The following SACS variants were observed in gnomAD, a reference collection of about 807,000 sequenced individuals.
SACS encodes the protein sacsin molecular chaperone.
SACS carries 197 observed loss-of-function variants against 348.0 expected under a neutral mutation model. The ratio of observed to expected loss-of-function variants is 0.57; its 90% CI spans 0.50 to 0.64. SACS has a LOEUF of 0.64. SACS is among the 30% of genes least tolerant of loss of function. The probability of loss-of-function intolerance (pLI) is 0.00; values close to 1 mark genes in which losing one functional copy is unlikely to be tolerated. For synonymous variants in SACS, 1,985 were observed against 1,910.6 expected (o/e 1.04, Z -1.02); for missense variants, 4,999 against 5,360.8 (o/e 0.93, Z 2.11).
chr13:23,341,445 C>G lies in SACS; in HGVS notation c.2431G>C (p.Gly811Arg). ...CTAATGAGTTCCACACATGTCTGAC[C>G]TTCCTCTAGTATAGTTCTGGGGATA... ...PLIPRTILEE[G>R]QTCVELIRLR... Residue 811 changes from glycine to arginine, a missense_variant, in exon 10 of 10, where the codon GGT becomes CGT. Physicochemically the swap from Gly to Arg is moderately radical, Grantham distance 125. Transcript: ENST00000382292. 6.2e-7 allele frequency: 1 copy of G among 1,613,994 alleles called. No individual in the cohort carries two copies. The highest frequency in any genetic ancestry group is 8.5e-7 in the Non-Finnish European group (1 of 1,179,980).
intron 1 of SACS, among the ~76,000 whole-genome samples, chr13:23,418,596 C>T (rs890874385): frequency 6.6e-6 from 1 of 152,118 alleles, no homozygotes; most frequent in Non-Finnish European, 1.5e-5. Context: ...ACTTCCGCCT[C>T]CTGGGTTCTA....
chr13:23,432,075 T>C (rs565628401), intron 1 of SACS, among the ~76,000 whole-genome samples: 22 of 152,196 alleles, frequency 1.4e-4, no homozygotes, highest in Non-Finnish European at 1.9e-4. Context: ...GAACTGAGGC[T>C]CACAGAAGTT....
At chr13:23,423,140 A>G (rs1874023861) in intron 1 of SACS, among the ~76,000 whole-genome samples, 1 of 152,188 alleles carries the variant, frequency 6.6e-6, no homozygotes, top group African/African-American at 2.4e-5. Flanking sequence ...GTTTTATATC[A>G]ATGAATGGAA....
chr13:23,425,456 T>C (rs1440287320), intron 1 of SACS, among the ~76,000 whole-genome samples: 1 of 151,948 alleles, frequency 6.6e-6, no homozygotes, highest in Non-Finnish European at 1.5e-5. Context: ...CAACCTGGTG[T>C]CTGATGTCCA....
chr13:23,375,517 G>C (rs1233189546), intron 2 of SACS: 1 of 1,109,646 alleles, frequency 9.0e-7, no homozygotes, highest in Non-Finnish European at 1.1e-6. Flanking sequence ...GGAAACGCTA[G>C]AGGAAGCCGC....
rs138442606 is a variant in SACS at position 23,331,961 on chromosome 13, C to A, written c.11915G>T (p.Arg3972Leu). Residue 3972 changes from arginine to leucine, a missense_variant, in exon 10 of 10, where the codon CGA becomes CTA. Around this residue, in one of 6 missense-constraint regions of SACS, gnomAD observed 831 missense variants for 941.8 expected, o/e 0.88. Coordinates refer to ENST00000382292, the MANE Select transcript of SACS (RefSeq NM_014363.6). ...TTCTTCAAGTATACTGCTCAATAAT[C>A]GAGGTCTAAGTTTTTGAGGAAAGAG... ...IMLFPQKLRP[R>L]LLSSILEEQL... is the part of the protein sequence containing the mutation. 2 of 1,614,036 alleles carry A rather than the reference C, an allele frequency of 1.2e-6. No homozygotes were observed. Among genetic ancestry groups the A allele is most frequent in the Non-Finnish European group, 1.7e-6 (2 of 1,179,940 alleles).
At chr13:23,343,277 A>G (rs900185920) in intron 9 of SACS, among the ~76,000 whole-genome samples, 16 of 152,218 alleles carry the variant, frequency 1.1e-4, no homozygotes, top group Admixed American at 6.5e-5. Flanking sequence ...ATGAAAAAAA[A>G]TAACACCATA....
chr13:23,329,330 T>G lies in SACS; in HGVS notation c.*806A>C. 3 of 652,346 alleles carry G rather than the reference T, an allele frequency of 4.6e-6. No homozygotes were observed. The South Asian group carries it at 5.6e-5, about 12-fold the overall frequency. The allele number at this position is 652,346 out of a possible 1,614,324, so 40.4% of individuals were successfully genotyped here. On this transcript the variant is annotated 3_prime_UTR_variant, in exon 10 of 10. Transcript: ENST00000382292. ...AACCACACTATATAAATTATAACATTTGTGGAAAATATGTACACACAAACA... is the reference window on the plus strand; with the variant it reads ...AACCACACTATATAAATTATAACATGTGTGGAAAATATGTACACACAAACA...
chr13:23,370,400 C>T (rs541204091), intron 4 of SACS, among the ~76,000 whole-genome samples: 2 of 152,232 alleles, frequency 1.3e-5, no homozygotes, highest in South Asian at 4.2e-4. Flanking sequence ...TAAACTTATC[C>T]ATCATCTCCA....
In SACS at chr13:23,354,889, C is replaced by T. The variant is rs1870241496; in HGVS notation, c.1723G>A (p.Val575Met). Residue 575 changes from valine to methionine, a missense_variant, in exon 8 of 10, where the codon GTG (valine) becomes ATG (methionine). By Grantham distance (21) the Val-to-Met change is conservative. Transcript: ENST00000382292. ...ISCDWVRLEQ[V>M]YFSELDENLE... ...TTTTCATCAAGTTCTGAGAAGTACA[C>T]CTGCTCCAACCTGACCCAGTCACAG... 6.2e-7 allele frequency: 1 copy of T among 1,614,204 alleles called. No individual in the cohort carries two copies. The highest frequency in any genetic ancestry group is 1.3e-5 in the African/African-American group (1 of 75,042).
At chr13:23,361,480 AG>A (rs1258349051) in intron 6 of SACS, among the ~76,000 whole-genome samples, 20 of 152,144 alleles carry the variant, frequency 1.3e-4, no homozygotes, top group African/African-American at 4.6e-4. Flanking sequence ...AAGATAAGAA[AG>A]GAACAAACAT....
chr13:23,349,465 T>C (rs1242389704), intron 9 of SACS, among the ~76,000 whole-genome samples: 1 of 152,212 alleles, frequency 6.6e-6, no homozygotes, highest in Non-Finnish European at 1.5e-5. Context: ...TAGCTACCAT[T>C]TGTCAGTATT....
chr13:23,346,925 T>C, intron 9 of SACS: 2 of 369,298 alleles, frequency 5.4e-6, no homozygotes, highest in Non-Finnish European at 7.5e-6. Flanking sequence ...TATCTTAAGA[T>C]ACTGCTGTCT....
At position 23,334,686 on chromosome 13, in the gene SACS, C is replaced by T; in HGVS notation, c.9190G>A (p.Glu3064Lys). The change falls in exon 10 of 10, where the codon GAA (glutamate) becomes AAA (lysine). Residue 3064 changes from glutamate to lysine, a missense_variant. By Grantham distance (56) the Glu-to-Lys change is moderately conservative. Around this residue, in one of 6 missense-constraint regions of SACS, gnomAD observed 734 missense variants for 694.0 expected, o/e 1.06. Transcript: ENST00000382292. Reference sequence around the variant, plus strand: ...TTATAAACCAAGTTGAAACCAATTTCTAAAAGGAGATGTTTCAGCCTATAG... The same window carrying T: ...TTATAAACCAAGTTGAAACCAATTTTTAAAAGGAGATGTTTCAGCCTATAG... ...NVYRLKHLLL[E>K]IGFNLVYNCD... 2 of 1,613,666 alleles carry T rather than the reference C, an allele frequency of 1.2e-6. No homozygotes were observed. Among genetic ancestry groups the T allele is most frequent in the Non-Finnish European group, 1.7e-6 (2 of 1,179,728 alleles).
At position 23,329,295 on chromosome 13, in the gene SACS, C is replaced by T; in HGVS notation, c.*841G>A. ...AGCACCTTTAGACAACAAAAGATTGCATCCTGTTCAACCACACTATATAAA... is the reference window on the plus strand; with the variant it reads ...AGCACCTTTAGACAACAAAAGATTGTATCCTGTTCAACCACACTATATAAA... On this transcript the variant is annotated 3_prime_UTR_variant, in exon 10 of 10. Coordinates refer to ENST00000382292, the MANE Select transcript of SACS (RefSeq NM_014363.6). 3.4e-6 allele frequency: 2 copies of T among 588,694 alleles called. No individual in the cohort carries two copies. Among genetic ancestry groups the T allele is most frequent in the Non-Finnish European group, 6.0e-6 (2 of 331,262 alleles). 36.5% of individuals were successfully genotyped at this position (588,694 alleles called of 1,614,324 possible).
In SACS at chr13:23,334,327, G is replaced by A; in HGVS notation, c.9549C>T (p.Ser3183=). ...FLTTYHELIP[S]RKDLFMNTLY... ...ATGTATTCATAAACAAGTCTTTGCG[G>A]GATGGAATCAATTCATGATATGTTG... is the stretch of plus-strand genomic sequence containing the variant. Residue 3183 remains serine (S), a synonymous_variant, in exon 10 of 10, where the codon TCC becomes TCT. Transcript: ENST00000382292. The A allele has an allele frequency of 6.2e-7, 1 of 1,610,746 alleles. No homozygotes were observed. The highest frequency in any genetic ancestry group is 8.5e-7 in the Non-Finnish European group (1 of 1,178,156).
intron 2 of SACS, among the ~76,000 whole-genome samples, chr13:23,384,229 G>A (rs529895207): frequency 6.6e-6 from 1 of 152,350 alleles, no homozygotes; most frequent in African/African-American, 2.4e-5. Flanking sequence ...CGTGCAAGGT[G>A]ACTTCCGCCT....
chr13:23,332,342 T>G lies in SACS; in HGVS notation c.11534A>C (p.Glu3845Ala), dbSNP rs1316302049. Residue 3845 changes from glutamate (E) to alanine (A), a missense_variant, in exon 10 of 10, where the codon GAA (glutamate) becomes GCA (alanine). Glu to Ala is a moderately radical substitution (Grantham distance 107, BLOSUM62 -1). Around this residue, in one of 6 missense-constraint regions of SACS, gnomAD observed 831 missense variants for 941.8 expected, o/e 0.88. Transcript: ENST00000382292. ...ATATTGCTTAGTTGAAATAATATCT[T>G]CAGTACCTAAGTGTTTGAACAACTG... ...FHQLFKHLGTEDIISTKQYVE... is the reference protein window; with the variant it reads ...FHQLFKHLGTADIISTKQYVE... 6.2e-7 allele frequency: 1 copy of G among 1,614,036 alleles called. No individual in the cohort carries two copies.
At chr13:23,385,708 C>T (rs1037352913) in intron 2 of SACS, among the ~76,000 whole-genome samples, 9 of 152,162 alleles carry the variant, frequency 5.9e-5, no homozygotes, top group Admixed American at 2.0e-4. Context: ...TTTCCAGGAA[C>T]TTTTCAATTC....
Sources: gnomAD v4.1 joint callset for allele counts (sites outside exome capture counted in the v4.1 genomes callset) on GRCh38, gnomAD v4.1.1 for gene constraint, gnomAD v4.1.1 regional missense constraint, MANE v1.5 for transcripts, NCBI Gene and HGNC (gene_info 2026-07-23, HGNC 2026-07-21) for gene names.